The following SSH2 variants were observed in gnomAD, a reference collection of about 807,000 sequenced individuals.
SSH2 encodes the protein slingshot protein phosphatase 2.
SSH2 carries 37 observed loss-of-function variants against 135.2 expected under a neutral mutation model. That is an observed-to-expected ratio of 0.27 (90% confidence interval 0.21 to 0.36). SSH2 has a LOEUF of 0.36. Among genes scored for constraint, SSH2 ranks in the 10% least tolerant of loss-of-function variants. SSH2 has a pLI of 1.00. For missense variants in SSH2, 1,408 were observed against 1,765.3 expected, an observed-to-expected ratio of 0.80 and a Z score of 3.63; for synonymous variants, 628 against 646.2, an observed-to-expected ratio of 0.97 and a Z score of 0.43.
chr17:29,803,511 C>T (rs538757831), intron 2 of SSH2, among the ~76,000 whole-genome samples: 1 of 152,232 alleles, frequency 6.6e-6, no homozygotes, highest in Admixed American at 6.5e-5. Context: ...AAGGACTAGT[C>T]ATCCTAAAGG....
At chr17:29,714,883 T>C (rs984903439) in intron 3 of SSH2, among the ~76,000 whole-genome samples, 1 of 152,190 alleles carries the variant, frequency 6.6e-6, no homozygotes, top group Admixed American at 6.5e-5. Flanking sequence ...TTTTTGTTTT[T>C]TGGGACAGAG....
chr17:29,773,004 G>T (rs1306230257), intron 3 of SSH2, among the ~76,000 whole-genome samples: 1 of 150,990 alleles, frequency 6.6e-6, no homozygotes, highest in African/African-American at 2.4e-5. Context: ...AATTGCATGA[G>T]CCAATTCCCC....
intron 1 of SSH2, among the ~76,000 whole-genome samples, chr17:29,898,526 C>T (rs1026099938): frequency 2.0e-5 from 3 of 152,188 alleles, no homozygotes; most frequent in Non-Finnish European, 4.4e-5. Context: ...ACTTGAAAAT[C>T]TAGAAGAAAT....
chr17:29,848,790 T>A, intron 2 of SSH2, 59 bp downstream of exon 2: 1 of 1,139,226 alleles, frequency 8.8e-7, no homozygotes. Context: ...TAGCCAAATT[T>A]ACCCAATAAG....
intron 2 of SSH2, among the ~76,000 whole-genome samples, chr17:29,833,746 CCTTCTTT>C (rs2042891977): frequency 1.1e-5 from 1 of 88,476 alleles, no homozygotes; most frequent in Non-Finnish European, 2.2e-5. Flanking sequence ...TCCCTCCCTT[CCTTCTTT>C]CCTCCCTCCC....
At position 29,913,347 on chromosome 17, in the gene SSH2, A is replaced by AAATTATATATATATATAT; in HGVS notation, c.63+16590_63+16591insATATATATATATATAATT. On this transcript the variant is annotated intron_variant, in intron 1 of 15. Coordinates refer to ENST00000540801, the MANE Select transcript of SSH2 (RefSeq NM_001282129.2). Reference sequence around the variant, plus strand: ...AAAAAAAAAAAAAAAAAAAAAAAAAAATATATATATATATATATATATATA... The same window carrying AAATTATATATATATATAT: ...AAAAAAAAAAAAAAAAAAAAAAAAAAAATTATATATATATATATATATATATATATATATATATATATA... 6.9e-5 allele frequency among the ~76,000 whole-genome samples: 2 copies of AAATTATATATATATATAT among 28,778 alleles called. 1 individual carries two copies. Among genetic ancestry groups the AAATTATATATATATATAT allele is most frequent in the East Asian group, 4.4e-3 (2 of 450 alleles). The allele number at this position is 28,778 out of a possible 152,430, so 18.9% of individuals were successfully genotyped here. A position where few individuals can be genotyped will look rare whatever the true frequency, so the allele number is the denominator to read the frequency against.
At chr17:29,677,153 ACT>A (rs2037755307) in intron 7 of SSH2, among the ~76,000 whole-genome samples, 1 of 151,930 alleles carries the variant, frequency 6.6e-6, no homozygotes, top group Non-Finnish European at 1.5e-5. Flanking sequence ...CTATGGACAA[ACT>A]GTTCTGTATA....
intron 3 of SSH2, among the ~76,000 whole-genome samples, chr17:29,737,594 C>T (rs1186364323): frequency 6.6e-6 from 1 of 152,222 alleles, no homozygotes; most frequent in Non-Finnish European, 1.5e-5. Flanking sequence ...ACCTGAATTT[C>T]AGTCACTGCC....
intron 9 of SSH2, among the ~76,000 whole-genome samples, chr17:29,670,698 C>T (rs147242185): frequency 1.5e-3 from 233 of 152,220 alleles, no homozygotes; most frequent in Non-Finnish European, 2.7e-3. Context: ...TGCTTGAACC[C>T]GGGAGGCAGA....
Position 29,632,051 on chromosome 17 carries a change from G to C in SSH2, c.3143C>G (p.Pro1048Arg). Residue 1048 changes from proline to arginine, a missense_variant, in exon 16 of 16, where the codon CCC (proline) becomes CGC (arginine). By Grantham distance (103) the Pro-to-Arg change is moderately radical (BLOSUM62 -2). This residue lies in a region of SSH2 where 1,080 missense variants were observed against 1,144.5 expected (regional missense o/e 0.94). Transcript: ENST00000540801. ...IIEYTHIVTS[P>R]NHTGPGSEIA... The stretch of plus-strand genomic sequence containing the variant: ...TTCACTCCCTGGCCCAGTGTGATTG[G>C]GTGATGTAACTATGTGGGTATATTC... 4 of 1,614,220 alleles carry C rather than the reference G, an allele frequency of 2.5e-6. No homozygotes were observed. The highest frequency in any genetic ancestry group is 3.4e-6 in the Non-Finnish European group (4 of 1,180,040).
At chr17:29,928,150 C>T (rs1218965267) in intron 1 of SSH2, 2 of 169,000 alleles carry the variant, frequency 1.2e-5, no homozygotes, top group East Asian at 1.6e-4. Context: ...ACTCTACTAA[C>T]TTTCAATCGA....
At chr17:29,695,597 G>T in intron 4 of SSH2, 74 bp from the exon 5 acceptor site, 1 of 1,351,420 alleles carries the variant, frequency 7.4e-7, no homozygotes, top group Non-Finnish European at 1.0e-6. Flanking sequence ...TTCTACTTTA[G>T]TGACTTTTGT....
At chr17:29,733,910 C>CTTTTTT (rs200752788) in intron 3 of SSH2, among the ~76,000 whole-genome samples, 5 of 130,538 alleles carry the variant, frequency 3.8e-5, no homozygotes, top group Non-Finnish European at 4.9e-5. Flanking sequence ...TAATTTCTTT[C>CTTTTTT]TTTTTTTTTT....
chr17:29,884,327 C>A (rs1290057761), intron 1 of SSH2, among the ~76,000 whole-genome samples: 2 of 152,196 alleles, frequency 1.3e-5, no homozygotes, highest in Non-Finnish European at 2.9e-5. Context: ...ACACTATTTT[C>A]TACTGGTCTT....
chr17:29,901,694 C>T (rs555132557), intron 1 of SSH2, among the ~76,000 whole-genome samples: 157 of 151,750 alleles, frequency 1.0e-3, no homozygotes, highest in Admixed American at 2.0e-3. Context: ...CTTCCTTCCC[C>T]ACTCCCTTCC....
chr17:29,899,401 T>C (rs1480937347), intron 1 of SSH2, among the ~76,000 whole-genome samples: 1 of 152,170 alleles, frequency 6.6e-6, no homozygotes, highest in Non-Finnish European at 1.5e-5. Context: ...GCCCAAAATC[T>C]CCTTAAGCTG....
At chr17:29,711,816 G>A (rs2039440324) in intron 3 of SSH2, among the ~76,000 whole-genome samples, 1 of 152,198 alleles carries the variant, frequency 6.6e-6, no homozygotes, top group Non-Finnish European at 1.5e-5. Flanking sequence ...TACATGGGGA[G>A]TGTCGAGGTA....
At chr17:29,649,218 T>C (rs2036498297) in intron 13 of SSH2, among the ~76,000 whole-genome samples, 1 of 152,074 alleles carries the variant, frequency 6.6e-6, no homozygotes, top group Admixed American at 6.6e-5. Flanking sequence ...TAGGTGCTGA[T>C]TCATGCTTGC....
chr17:29,894,044 T>C, intron 1 of SSH2, among the ~76,000 whole-genome samples: 1 of 152,152 alleles, frequency 6.6e-6, no homozygotes. Flanking sequence ...ACTTGTCTCA[T>C]GTTACGTTCT....
Sources: gnomAD v4.1 joint callset for allele counts (sites outside exome capture counted in the v4.1 genomes callset) on GRCh38, gnomAD v4.1.1 for gene constraint, gnomAD v4.1.1 regional missense constraint, MANE v1.5 for transcripts, NCBI Gene and HGNC (gene_info 2026-07-23, HGNC 2026-07-21) for gene names.